KIF13B: variants seen among roughly 807,000 people sequenced by gnomAD.
The protein encoded by KIF13B is kinesin-like protein KIF13B.
In KIF13B, 127 loss-of-function variants were observed where a neutral mutation model predicts 222.0. The ratio of observed to expected loss-of-function variants is 0.57; its 90% confidence interval spans 0.50 to 0.66. The LOEUF is 0.66. KIF13B is among the 30% of genes least tolerant of loss of function. The probability of loss-of-function intolerance (pLI) is 0.00; values close to 1 mark genes in which losing one functional copy is unlikely to be tolerated. For synonymous variants in KIF13B, 976 were observed against 919.0 expected (o/e 1.06, Z -1.12); for missense variants, 2,173 against 2,379.0 (o/e 0.91, Z 1.80).
At chr8:29,197,336 C>CAAAAAAAAAAAAAAAA (rs71222598) in intron 2 of KIF13B, among the ~76,000 whole-genome samples, 18 of 57,770 alleles carry the variant, frequency 3.1e-4, no homozygotes, top group South Asian at 9.5e-4. Context: ...GACTCCGTCT[C>CAAAAAAAAAAAAAAAA]AAAAAAAAAA....
chr8:29,127,428 C>T lies in KIF13B; in HGVS notation c.3076-160G>A, dbSNP rs546854767. On this transcript the variant is annotated intron_variant, in intron 24 of 39. Transcript: ENST00000524189. ...TTAAAATACAAATTTAAAAACTAAT[C>T]GGGAAAAATCATTTCCCTTTTAAGT... 1.8e-4 allele frequency among the ~76,000 whole-genome samples: 28 copies of T among 152,102 alleles called. No individual in the cohort carries two copies. The South Asian group carries it at 5.2e-3, about 28-fold the overall frequency.
chr8:29,099,045 G>T (rs552937986), intron 36 of KIF13B, 88 bp downstream of exon 36: 377 of 1,014,952 alleles, frequency 3.7e-4, no homozygotes, highest in Non-Finnish European at 4.7e-4. Flanking sequence ...TAGCAGAACA[G>T]TGGCTGCCTG....
At chr8:29,142,437 C>T (rs1430676557) in intron 18 of KIF13B, 134 bp from the exon 19 acceptor site, 71 of 736,410 alleles carry the variant, frequency 9.6e-5, no homozygotes, top group Admixed American at 1.7e-4. Context: ...CTGTTGATTA[C>T]AAAGCCTCCA....
chr8:29,074,065 C>T (rs1187995275), intron 38 of KIF13B, among the ~76,000 whole-genome samples: 1 of 152,210 alleles, frequency 6.6e-6, no homozygotes, highest in African/African-American at 2.4e-5. Flanking sequence ...GGAATCTGAA[C>T]GGTAACCAGG....
intron 38 of KIF13B, among the ~76,000 whole-genome samples, chr8:29,073,264 G>C (rs1413054475): frequency 2.0e-5 from 3 of 152,054 alleles, no homozygotes; most frequent in Non-Finnish European, 4.4e-5. Flanking sequence ...GGGCTGGGGG[G>C]GCCTCGGACC....
At position 29,177,541 on chromosome 8, in the gene KIF13B, TCCA is replaced by T; in HGVS notation, c.755_757del (p.Val252del). 1 of 1,613,864 alleles carries T rather than the reference TCCA, an allele frequency of 6.2e-7. No homozygotes were observed. The highest frequency in any genetic ancestry group is 8.5e-7 in the Non-Finnish European group (1 of 1,179,782). Reference sequence around the variant, plus strand: ...CGTTGCTCGTTCACTGCCAGCTAAATCCACCAGGCTGAGTTTGCCCACTTTCTC... The same window carrying T: ...CGTTGCTCGTTCACTGCCAGCTAAATCCAGGCTGAGTTTGCCCACTTTCTC... On this transcript the variant is annotated inframe_deletion, in exon 9 of 40. Coordinates refer to ENST00000524189, the MANE Select transcript of KIF13B (RefSeq NM_015254.4).
At chr8:29,087,978 T>C (rs1249568157) in intron 37 of KIF13B, among the ~76,000 whole-genome samples, 2 of 152,010 alleles carry the variant, frequency 1.3e-5, no homozygotes, top group African/African-American at 2.4e-5. Context: ...ATTATACATA[T>C]ATATTTTGGC....
At chr8:29,234,363 C>CTA (rs1480974677) in intron 2 of KIF13B, among the ~76,000 whole-genome samples, 12 of 151,948 alleles carry the variant, frequency 7.9e-5, no homozygotes, top group African/African-American at 2.9e-4. Flanking sequence ...CTAACATGTG[C>CTA]TATAACATGG....
At chr8:29,229,966 A>G (rs770618616) in intron 2 of KIF13B, among the ~76,000 whole-genome samples, 1 of 152,238 alleles carries the variant, frequency 6.6e-6, no homozygotes, top group Non-Finnish European at 1.5e-5. Flanking sequence ...TACTTAAAAT[A>G]TGATGTTTTA....
intron 37 of KIF13B, among the ~76,000 whole-genome samples, chr8:29,092,122 A>G (rs1023696894): frequency 1.3e-5 from 2 of 152,234 alleles, no homozygotes; most frequent in Admixed American, 1.3e-4. Flanking sequence ...CTCATTTATC[A>G]TTTTCTGCTG....
Position 29,177,437 on chromosome 8 carries a change from C to T in KIF13B, c.833+29G>A, listed in dbSNP as rs781400105. ...CCTATTGGCTATTAAATAAATAAAG[C>T]AATAAAAATAAGCTTTGAGAGCACT... On this transcript the variant is annotated intron_variant, in intron 9 of 39. Transcript: ENST00000524189. The T allele has an allele frequency of 6.8e-6, 9 of 1,316,262 alleles. 1 individual carries two copies. The highest frequency in any genetic ancestry group is 9.9e-6 in the Non-Finnish European group (9 of 908,136). 81.5% of individuals were successfully genotyped at this position (1,316,262 alleles called of 1,614,324 possible).
chr8:29,170,986 A>G lies in KIF13B; in HGVS notation c.946-3401T>C, dbSNP rs530709666. Among the ~76,000 whole-genome samples, 4 of 152,344 alleles carry G rather than the reference A, an allele frequency of 2.6e-5. No individual in the cohort carries two copies. The East Asian group carries it at 7.7e-4, about 29-fold the overall frequency. On this transcript the variant is annotated intron_variant, in intron 10 of 39. Transcript: ENST00000524189. ...ACAGTTACTGAAAAGACTGAAGGTT[A>G]AAAGTATTAATGTAGAAAGATGTTG...
At chr8:29,213,939 GC>G (rs1563794867) in intron 2 of KIF13B, among the ~76,000 whole-genome samples, 1 of 152,078 alleles carries the variant, frequency 6.6e-6, no homozygotes, top group East Asian at 1.9e-4. Context: ...GGGAGACAGA[GC>G]AAGACTCCAT....
At chr8:29,143,481 A>G (rs541117344) in intron 18 of KIF13B, among the ~76,000 whole-genome samples, 1 of 152,384 alleles carries the variant, frequency 6.6e-6, no homozygotes, top group African/African-American at 2.4e-5. Context: ...TTAAGATCAT[A>G]CAGAACTAGA....
In KIF13B at chr8:29,242,433, A is replaced by G. The variant is rs534420058; in HGVS notation, c.149+2913T>C. Among the ~76,000 whole-genome samples the G allele has an allele frequency of 1.0e-4, 16 of 152,382 alleles. No homozygotes were observed. The East Asian group carries it at 3.1e-3, about 29-fold the overall frequency. On this transcript the variant is annotated intron_variant, in intron 2 of 39. Coordinates refer to ENST00000524189, the MANE Select transcript of KIF13B (RefSeq NM_015254.4). ...ATATAATTCAAATAAAATAAGGCCT[A>G]AAGATTTAGTCATTTAAAGGGAAGC...
chr8:29,205,104 G>A (rs557389020), intron 2 of KIF13B, among the ~76,000 whole-genome samples: 7 of 152,150 alleles, frequency 4.6e-5, no homozygotes, highest in Admixed American at 1.3e-4. Flanking sequence ...CAGGAGGATC[G>A]CTTCAGCCCA....
chr8:29,089,207 G>C (rs1175639710), intron 37 of KIF13B, among the ~76,000 whole-genome samples: 3 of 152,142 alleles, frequency 2.0e-5, no homozygotes, highest in Non-Finnish European at 4.4e-5. Context: ...GATACCAGAC[G>C]GGAGGACTTG....
intron 6 of KIF13B, among the ~76,000 whole-genome samples, chr8:29,185,253 G>A (rs184335270): frequency 3.7e-4 from 56 of 152,196 alleles, no homozygotes; most frequent in Middle Eastern, 3.4e-3. Flanking sequence ...TTCCCACTCC[G>A]CACAAATGTT....
At chr8:29,110,155 C>T (rs754154383) in intron 32 of KIF13B, 85 bp from the exon 33 acceptor site, 193 of 1,169,600 alleles carry the variant, frequency 1.7e-4, no homozygotes, top group Non-Finnish European at 2.1e-4. Context: ...ACACACAGAA[C>T]GTATTCCAAA....
Sources: allele counts gnomAD v4.1 joint callset (sites outside exome capture counted in the v4.1 genomes callset), GRCh38; gene constraint gnomAD v4.1.1; transcripts MANE v1.5; gene names NCBI Gene and HGNC (gene_info 2026-07-23, HGNC 2026-07-21).